The following TAF6 variants were observed in gnomAD, a reference collection of about 807,000 sequenced individuals.
The protein encoded by TAF6 is transcription initiation factor TFIID subunit 6.
TAF6 carries 50 observed loss-of-function variants against 73.5 expected under a neutral mutation model. The observed-to-expected ratio is 0.68, with a 90% CI of 0.54 to 0.86. The LOEUF (loss-of-function observed/expected upper bound fraction) is 0.86, where lower values mean the gene tolerates loss of function less well. Ranked by LOEUF, TAF6 falls within the 40% of genes least tolerant of loss-of-function variation. The pLI, the probability that TAF6 is intolerant of heterozygous loss-of-function variation, is 0.00. For missense variants in TAF6, 768 were observed against 899.5 expected, an observed-to-expected ratio of 0.85 and a Z score of 1.87; for synonymous variants, 424 against 376.7, an observed-to-expected ratio of 1.13 and a Z score of -1.45.
the TAF6 span, chr7:100,127,004 C>T: frequency 5.5e-6 from 1 of 183,302 alleles, no homozygotes; most frequent in Non-Finnish European, 1.1e-5. The surrounding 1 kb of genome is among the most constrained non-coding windows in gnomAD (Gnocchi z 4.6). Flanking sequence ...GACAAACTCT[C>T]ACCCGCGTTT....
Position 100,108,416 on chromosome 7 carries a change from G to C in TAF6, c.1409C>G (p.Ala470Gly). Reference protein sequence around the residue: ...CSQVVKARAQAALQAQQVNRT... With the variant: ...CSQVVKARAQGALQAQQVNRT... Reference sequence around the variant, plus strand: ...GTTGACCTGCTGAGCCTGCAGAGCAGCCTGGGCCCGAGCCTTGACCACCTG... The same window carrying C: ...GTTGACCTGCTGAGCCTGCAGAGCACCCTGGGCCCGAGCCTTGACCACCTG... The change falls in exon 13 of 15, where the codon GCT (alanine) becomes GGT (glycine). Residue 470 changes from alanine (A) to glycine (G), a missense_variant. Physicochemically the swap from Ala to Gly is moderately conservative, Grantham distance 60. Transcript: ENST00000453269. 1 of 1,613,726 alleles carries C rather than the reference G, an allele frequency of 6.2e-7. No individual in the cohort carries two copies. Among genetic ancestry groups the C allele is most frequent in the East Asian group, 2.2e-5 (1 of 44,866 alleles).
chr7:100,122,856 C>T (rs1367209714), upstream of TAF6: 1 of 1,613,758 alleles, frequency 6.2e-7, no homozygotes, highest in African/African-American at 1.3e-5. Context: ...GGGGATCCCT[C>T]TGGAGCTTTG....
intron 6 of TAF6, among the ~76,000 whole-genome samples, 154 bp downstream of exon 6, chr7:100,112,644 G>A (rs1797296052): frequency 6.6e-6 from 1 of 152,150 alleles, no homozygotes. Flanking sequence ...GAACCCTGGA[G>A]GTGGAGGTTG....
chr7:100,110,813 AAAAAAC>A (rs930312948), intron 10 of TAF6, among the ~76,000 whole-genome samples: 3 of 152,110 alleles, frequency 2.0e-5, no homozygotes, highest in African/African-American at 7.2e-5. Flanking sequence ...CTCCATCTCA[AAAAAAC>A]AAAAACAAAA....
Position 100,111,087 on chromosome 7 carries a change from A to G in TAF6, c.1083+52T>C, listed in dbSNP as rs561968881. On this transcript the variant is annotated intron_variant, in intron 10 of 14. Transcript: ENST00000453269. ...CTTGTTTCCAGTGTGACTTCCCCCAACCAGAGGTGGCCAGTGATGAAGCAA... is the reference window on the plus strand; with the variant it reads ...CTTGTTTCCAGTGTGACTTCCCCCAGCCAGAGGTGGCCAGTGATGAAGCAA... The G allele has an allele frequency of 5.4e-5, 86 of 1,586,984 alleles. No individual in the cohort carries two copies. In the South Asian group the frequency reaches 8.9e-4, roughly 16 times the overall value.
chr7:100,124,597 C>T, upstream of TAF6: 1 of 1,613,392 alleles, frequency 6.2e-7, no homozygotes, highest in Non-Finnish European at 8.5e-7. Context: ...AAAATTTTCT[C>T]TGTGAAGGTC....
Position 100,111,286 on chromosome 7 carries a change from G to T in TAF6, c.936C>A (p.Ile312=), listed in dbSNP as rs530747205. The T allele has an allele frequency of 1.9e-6, 3 of 1,614,076 alleles. No homozygotes were observed. In the African/African-American group the frequency reaches 4.0e-5, roughly 22 times the overall value. The change falls in exon 10 of 15, where the codon ATC becomes ATA. Residue 312 remains isoleucine, a synonymous_variant. Coordinates refer to ENST00000453269, the MANE Select transcript of TAF6 (RefSeq NM_139315.3). ...HELIPAVMTC[I]VSRQLCLRPD... ...GTCGCAGGCACAACTGTCTGCTCAC[G>T]ATGCAGGTCATCACAGCTGGAATCA...
At chr7:100,125,052 A>T in the TAF6 span, 2 of 746,194 alleles carry the variant, frequency 2.7e-6, no homozygotes, top group Non-Finnish European at 4.2e-6. Flanking sequence ...GTGAAACAGC[A>T]TGACATGGCT....
chr7:100,111,110 C>T lies in TAF6; in HGVS notation c.1083+29G>A. On this transcript the variant is annotated intron_variant, in intron 10 of 14. Coordinates refer to ENST00000453269, the MANE Select transcript of TAF6 (RefSeq NM_139315.3). Reference sequence around the variant, plus strand: ...CAACCAGAGGTGGCCAGTGATGAAGCAAATGACGCTCAAGTTTTCCTGGCT... The same window carrying T: ...CAACCAGAGGTGGCCAGTGATGAAGTAAATGACGCTCAAGTTTTCCTGGCT... 3.7e-6 allele frequency: 6 copies of T among 1,605,444 alleles called. No homozygotes were observed. In the Middle Eastern group the frequency reaches 1.0e-3, roughly 266 times the overall value.
At chr7:100,120,094 C>T (rs1345353151), upstream of TAF6, 1 of 437,262 alleles carries the variant, frequency 2.3e-6, no homozygotes, top group Admixed American at 4.2e-5. Flanking sequence ...ACCCCCCGCC[C>T]GCCAATGGAT....
rs147915267 is a variant in TAF6, at chr7:100,107,340, T to C, written c.1940A>G (p.Lys647Arg). 6.5e-7 allele frequency: 1 copy of C among 1,548,158 alleles called. No individual in the cohort carries two copies. The highest frequency in any genetic ancestry group is 8.7e-7 in the Non-Finnish European group (1 of 1,146,344). Residue 647 changes from lysine to arginine, a missense_variant, in exon 15 of 15, where the codon AAG (lysine) becomes AGG (arginine). This residue lies in a region of TAF6 where 350 missense variants were observed against 352.3 expected (regional missense o/e 0.99). Coordinates refer to ENST00000453269, the MANE Select transcript of TAF6 (RefSeq NM_139315.3). ...AGGGGGACTGTCCCCAGCCTCCTGC[T>C]TCCCCCCACAAAGGGCACTGCCGCT... The part of the protein sequence containing the change: ...PLSGSALCGG[K>R]QEAGDSPPPA...
intron 1 of TAF6, chr7:100,114,565 C>G (rs1797519673): frequency 3.4e-6 from 2 of 585,378 alleles, no homozygotes; most frequent in South Asian, 4.2e-5. Flanking sequence ...ACTAAAAATA[C>G]AAAAATTAGC....
chr7:100,116,052 G>C (rs1370792117), intron 1 of TAF6, among the ~76,000 whole-genome samples: 2 of 152,074 alleles, frequency 1.3e-5, no homozygotes, highest in Non-Finnish European at 2.9e-5. Flanking sequence ...TCTATCCACT[G>C]GGTAACTCCA....
In TAF6 at chr7:100,113,763, A is replaced by G. The variant is rs750473553; in HGVS notation, c.250T>C (p.Tyr84His). The G allele has an allele frequency of 6.2e-6, 10 of 1,613,788 alleles. No individual in the cohort carries two copies. The highest frequency in any genetic ancestry group is 1.7e-5 in the Admixed American group (1 of 59,970). ...ALKLKNVEPL[Y>H]GFHAQEFIPF... Reference sequence around the variant, plus strand: ...ATGAACTCCTGGGCGTGGAAGCCATAGAGTGGCTGTGGCAGGAGAGAGGGG... The same window carrying G: ...ATGAACTCCTGGGCGTGGAAGCCATGGAGTGGCTGTGGCAGGAGAGAGGGG... The change falls in exon 4 of 15, where the codon TAT becomes CAT. Residue 84 changes from tyrosine to histidine, a missense_variant. Tyr to His is a moderately conservative substitution (Grantham distance 83). Coordinates refer to ENST00000453269, the MANE Select transcript of TAF6 (RefSeq NM_139315.3).
At chr7:100,122,303 A>G (rs1414730228), upstream of TAF6, 2 of 1,614,038 alleles carry the variant, frequency 1.2e-6, no homozygotes, top group South Asian at 1.1e-5. Flanking sequence ...ACTGAGTCGC[A>G]CCGGTCGATC....
the TAF6 span, chr7:100,125,065 TGGGGTGGAGGGTG>T: frequency 3.8e-5 from 26 of 676,222 alleles, no homozygotes; most frequent in East Asian, 5.3e-4. Context: ...ACATGGCTTC[TGGGGTGGAGGGTG>T]GGGGTGGAGG....
chr7:100,108,676 G>A, intron 12 of TAF6, 136 bp from the exon 13 acceptor site: 4 of 915,264 alleles, frequency 4.4e-6, no homozygotes, highest in Non-Finnish European at 6.5e-6. Context: ...CAGTGCCCCT[G>A]TTGAAGGCCA....
At chr7:100,112,399 G>T in intron 6 of TAF6, 146 bp from the exon 7 acceptor site, 1 of 1,206,324 alleles carries the variant, frequency 8.3e-7, no homozygotes, top group Non-Finnish European at 1.1e-6. Context: ...CTCTGGCCCT[G>T]ACCTCAGCCA....
rs755606696 is a variant in TAF6 at position 100,111,919 on chromosome 7, C to T, written c.798+3G>A. The T allele has an allele frequency of 6.2e-7, 1 of 1,614,144 alleles. No homozygotes were observed. Among genetic ancestry groups the T allele is most frequent in the Non-Finnish European group, 8.5e-7 (1 of 1,180,026 alleles). On this transcript the variant is annotated splice_donor_region_variant and intron_variant, in intron 8 of 14. Coordinates refer to ENST00000453269, the MANE Select transcript of TAF6 (RefSeq NM_139315.3). ...CCTGCACTGTGGAACCTCATGCTCT[C>T]ACCCCCTCCGAGATAAAGGTACTGA...
Sources: allele counts gnomAD v4.1 joint callset (sites outside exome capture counted in the v4.1 genomes callset), GRCh38; gene constraint gnomAD v4.1.1; regional missense constraint gnomAD v4.1.1; non-coding constraint Gnocchi (gnomAD v3.1); transcripts MANE v1.5; gene names NCBI Gene and HGNC (gene_info 2026-07-23, HGNC 2026-07-21).